The following LAMA2 variants were observed in gnomAD, a reference collection of about 807,000 sequenced individuals.
LAMA2 encodes the protein laminin subunit alpha-2.
Under a neutral mutation model 364.8 loss-of-function variants are expected in LAMA2, and 269 were observed. The ratio of observed to expected loss-of-function variants is 0.74; its 90% CI spans 0.67 to 0.82. The LOEUF (loss-of-function observed/expected upper bound fraction) is 0.82. LAMA2 is among the 40% of genes least tolerant of loss of function. The pLI is 0.00. For synonymous variants in LAMA2, 1,379 were observed against 1,370.6 expected, an observed-to-expected ratio of 1.01 and a Z score of -0.14; for missense variants, 3,807 against 3,873.2, an observed-to-expected ratio of 0.98 and a Z score of 0.45.
At chr6:128,922,318 C>T (rs1778791921) in intron 1 of LAMA2, among the ~76,000 whole-genome samples, 1 of 151,194 alleles carries the variant, frequency 6.6e-6, no homozygotes, top group Admixed American at 6.6e-5. Context: ...GTTTACAGTC[C>T]CACCAACAGT....
chr6:129,401,047 T>C (rs958265992), intron 37 of LAMA2, among the ~76,000 whole-genome samples, 177 bp from the exon 38 acceptor site: 10 of 152,362 alleles, frequency 6.6e-5, no homozygotes, highest in Admixed American at 6.5e-5. Context: ...AGCCTCTACA[T>C]AGAAGAACTC....
intron 1 of LAMA2, among the ~76,000 whole-genome samples, chr6:128,902,081 G>C (rs1777120556): frequency 6.6e-6 from 1 of 152,168 alleles, no homozygotes; most frequent in African/African-American, 2.4e-5. Flanking sequence ...CGAAGTGGGG[G>C]AAAAGCCCCT....
intron 1 of LAMA2, among the ~76,000 whole-genome samples, chr6:129,048,532 C>T (rs13215669): frequency 0.14 from 8,685 of 62,452 alleles, 402 homozygotes; most frequent in African/African-American, 0.18. Context: ...TTCCTTCCTT[C>T]CTTCCTTCCT....
chr6:129,294,054 C>T (rs934723444), intron 20 of LAMA2, among the ~76,000 whole-genome samples: 12 of 152,270 alleles, frequency 7.9e-5, no homozygotes, highest in Admixed American at 2.0e-4. Flanking sequence ...GAAAGGCCAA[C>T]GAAGCATGAA....
At chr6:129,101,702 C>A (rs1267269363) in intron 4 of LAMA2, among the ~76,000 whole-genome samples, 2 of 152,330 alleles carry the variant, frequency 1.3e-5, no homozygotes, top group East Asian at 3.9e-4. Context: ...AGCCACCACA[C>A]TGGATTGGGC....
chr6:129,478,709 A>T lies in LAMA2; in HGVS notation c.7468A>T (p.Lys2490Ter). 1 of 1,613,590 alleles carries T rather than the reference A, an allele frequency of 6.2e-7. No homozygotes were observed. The highest frequency in any genetic ancestry group is 8.5e-7 in the Non-Finnish European group (1 of 1,179,580). ...ATTCAATAGGCCAGAAGTAAATCTG[A>T]AGAAATATTCCGGCTGCCTCAAAGA... is the stretch of plus-strand genomic sequence containing the variant. ...SMKARPEVNLKKYSGCLKDIE... is the reference protein window; with the variant it reads ...SMKARPEVNL Residue 2490 changes from lysine to a stop codon, truncating the protein, a stop_gained, in exon 54 of 65, where the codon AAG (lysine) becomes TAG (stop). Coordinates refer to ENST00000421865, the MANE Select transcript of LAMA2 (RefSeq NM_000426.4). LOFTEE classifies it high-confidence loss of function.
chr6:129,154,646 G>A lies in LAMA2; in HGVS notation c.1169G>A (p.Cys390Tyr). Residue 390 changes from cysteine (C) to tyrosine (Y), a missense_variant, in exon 8 of 65, where the codon TGC (cysteine) becomes TAC (tyrosine). By Grantham distance (194) the Cys-to-Tyr change is radical (BLOSUM62 -2). Transcript: ENST00000421865. ...NCTQNTAGIN[C>Y]ETCTDGFFRP... Reference sequence around the variant, plus strand: ...ACCCAAAACACTGCTGGTATAAACTGCGAGACATGTACTGATGGCTTCTTC... The same window carrying A: ...ACCCAAAACACTGCTGGTATAAACTACGAGACATGTACTGATGGCTTCTTC... The A allele has an allele frequency of 6.2e-7, 1 of 1,614,038 alleles. No individual in the cohort carries two copies. Among genetic ancestry groups the A allele is most frequent in the Non-Finnish European group, 8.5e-7 (1 of 1,179,956 alleles).
At chr6:128,910,357 A>C (rs1361407609) in intron 1 of LAMA2, among the ~76,000 whole-genome samples, 1 of 151,690 alleles carries the variant, frequency 6.6e-6, no homozygotes, top group African/African-American at 2.4e-5. Flanking sequence ...TTTTTCTCTA[A>C]ACTTCCCTTC....
chr6:129,352,726 A>G (rs955087715), intron 31 of LAMA2, among the ~76,000 whole-genome samples: 5 of 152,254 alleles, frequency 3.3e-5, no homozygotes, highest in Non-Finnish European at 4.4e-5. Context: ...AATTTGGCCC[A>G]TTTCTGATTC....
chr6:129,371,773 A>AT (rs1482136864), intron 34 of LAMA2, among the ~76,000 whole-genome samples: 4 of 150,834 alleles, frequency 2.7e-5, no homozygotes, highest in Non-Finnish European at 4.4e-5. Flanking sequence ...CACCTGGCTA[A>AT]TTTTTTTTGT....
At chr6:129,039,182 G>GTTGATATATATATAGTT (rs1562177567) in intron 1 of LAMA2, among the ~76,000 whole-genome samples, 8 of 151,896 alleles carry the variant, frequency 5.3e-5, no homozygotes, top group African/African-American at 1.5e-4. Flanking sequence ...AGTAATATAC[G>GTTGATATATATATAGTT]GACACCAAGA....
chr6:128,961,771 T>G (rs980566847), intron 1 of LAMA2, among the ~76,000 whole-genome samples: 17 of 152,044 alleles, frequency 1.1e-4, no homozygotes, highest in Admixed American at 7.2e-4. Flanking sequence ...TTTGTATTCT[T>G]CAATCCAATC....
chr6:129,097,775 C>T (rs1775274824), intron 3 of LAMA2, among the ~76,000 whole-genome samples: 1 of 152,210 alleles, frequency 6.6e-6, no homozygotes, highest in African/African-American at 2.4e-5. Flanking sequence ...GTTTTCTAAA[C>T]TATCAAGCAC....
At chr6:129,342,517 C>A in intron 30 of LAMA2, 50 bp downstream of exon 30, 1 of 1,585,494 alleles carries the variant, frequency 6.3e-7, no homozygotes, top group South Asian at 1.1e-5. Context: ...CGCCATCTGT[C>A]TAGCACATGG....
At chr6:128,927,316 ATTT>A (rs1779161022) in intron 1 of LAMA2, among the ~76,000 whole-genome samples, 1 of 152,168 alleles carries the variant, frequency 6.6e-6, no homozygotes, top group African/African-American at 2.4e-5. Flanking sequence ...ATACTTAGAC[ATTT>A]TACATTCAGT....
chr6:128,970,771 G>T (rs902712893), intron 1 of LAMA2, among the ~76,000 whole-genome samples: 1 of 152,134 alleles, frequency 6.6e-6, no homozygotes, highest in Non-Finnish European at 1.5e-5. Context: ...GTCGATCATT[G>T]CCCATTGGTT....
chr6:129,356,750 G>T (rs13193413), intron 32 of LAMA2, among the ~76,000 whole-genome samples: 52,060 of 151,812 alleles, frequency 0.34, 10,734 homozygotes, highest in Non-Finnish European at 0.46. Flanking sequence ...AATATAAAAC[G>T]AGCTAAAATT....
chr6:129,375,807 T>C (rs1778341230), intron 34 of LAMA2, among the ~76,000 whole-genome samples: 1 of 152,228 alleles, frequency 6.6e-6, no homozygotes, highest in South Asian at 2.1e-4. Flanking sequence ...TGCCTTACTA[T>C]GGATTGGACA....
chr6:129,210,756 T>TCAAA (rs1783046397), intron 12 of LAMA2, among the ~76,000 whole-genome samples: 1 of 152,084 alleles, frequency 6.6e-6, no homozygotes, highest in Non-Finnish European at 1.5e-5. Context: ...AAATCCTAAT[T>TCAAA]AGAACACCCA....
Sources: gnomAD v4.1 joint callset for allele counts (sites outside exome capture counted in the v4.1 genomes callset) on GRCh38, gnomAD v4.1.1 for gene constraint, MANE v1.5 for transcripts, NCBI Gene and HGNC (gene_info 2026-07-23, HGNC 2026-07-21) for gene names.